CNTN5: variants seen among roughly 807,000 people sequenced by gnomAD.
The protein encoded by CNTN5 is contactin-5.
In CNTN5, 77 loss-of-function variants were observed where a neutral mutation model predicts 129.1. That is an observed-to-expected ratio of 0.60 (90% CI 0.50 to 0.72). The LOEUF (loss-of-function observed/expected upper bound fraction) is 0.72. CNTN5 is among the 30% of genes least tolerant of loss of function. The pLI, the probability that CNTN5 is intolerant of heterozygous loss-of-function variation, is 0.00. For synonymous variants in CNTN5, 509 were observed against 465.6 expected (o/e 1.09, Z -1.20); for missense variants, 1,478 against 1,328.8 (o/e 1.11, Z -1.75).
chr11:99,893,816 C>T (rs1299545901), intron 6 of CNTN5, among the ~76,000 whole-genome samples: 1 of 152,104 alleles, frequency 6.6e-6, no homozygotes, highest in Non-Finnish European at 1.5e-5. Context: ...TATATATTAA[C>T]ATAAGCATAT....
rs1489236445 is a variant in CNTN5 at position 99,855,262 on chromosome 11, TA to T, written c.577+10001del. Among the ~76,000 whole-genome samples the T allele has an allele frequency of 2.0e-5, 3 of 152,166 alleles. No homozygotes were observed. The East Asian group carries it at 5.8e-4, about 29-fold the overall frequency. On this transcript the variant is annotated intron_variant, in intron 6 of 24. Transcript: ENST00000524871. Reference sequence around the variant, plus strand: ...AGTACTAGGTGAGCTATGATCACTCTACTGCACTGTAGCCTGTGCAGTAGAG... The same window carrying T: ...AGTACTAGGTGAGCTATGATCACTCTCTGCACTGTAGCCTGTGCAGTAGAG...
intron 1 of CNTN5, among the ~76,000 whole-genome samples, chr11:99,187,060 A>T (rs1858390713): frequency 6.6e-6 from 1 of 151,900 alleles, no homozygotes; most frequent in Non-Finnish European, 1.5e-5. Context: ...ACTGAACAGG[A>T]AGTACCTGGA....
intron 1 of CNTN5, among the ~76,000 whole-genome samples, chr11:99,160,068 CAATTA>C (rs1177451638): frequency 6.6e-6 from 1 of 152,126 alleles, no homozygotes; most frequent in African/African-American, 2.4e-5. Flanking sequence ...AGAATTTACA[CAATTA>C]AATATAATAT....
chr11:99,811,180 G>C (rs1298967804), intron 3 of CNTN5, among the ~76,000 whole-genome samples: 1 of 151,918 alleles, frequency 6.6e-6, no homozygotes. Flanking sequence ...AAAAGATTCA[G>C]ATACAGAGTC....
chr11:100,189,269 A>T (rs931473357), intron 13 of CNTN5, among the ~76,000 whole-genome samples: 8 of 149,076 alleles, frequency 5.4e-5, no homozygotes, highest in African/African-American at 2.0e-4. Flanking sequence ...GTTGAATTAA[A>T]AAAAAAAAAA....
chr11:99,063,415 G>A (rs763927940), intron 1 of CNTN5, among the ~76,000 whole-genome samples: 2 of 151,970 alleles, frequency 1.3e-5, no homozygotes, highest in Non-Finnish European at 1.5e-5. Flanking sequence ...TGCTTACTTT[G>A]TGAGTGTTAA....
chr11:99,760,154 T>C (rs1277019566), intron 3 of CNTN5, among the ~76,000 whole-genome samples: 1 of 152,178 alleles, frequency 6.6e-6, no homozygotes, highest in African/African-American at 2.4e-5. Context: ...ACAGACAGAA[T>C]CTGTGCTAAA....
At chr11:99,404,160 C>A in intron 2 of CNTN5, among the ~76,000 whole-genome samples, 1 of 151,876 alleles carries the variant, frequency 6.6e-6, no homozygotes, top group East Asian at 1.9e-4. Flanking sequence ...TTTTGTGTTG[C>A]ATTAGTATAG....
intron 1 of CNTN5, among the ~76,000 whole-genome samples, chr11:99,279,396 G>T (rs1319465806): frequency 6.6e-6 from 1 of 151,806 alleles, no homozygotes; most frequent in East Asian, 1.9e-4. Context: ...TTGCTATGCT[G>T]CACTGAATTC....
At chr11:99,462,673 G>A (rs1267973134) in intron 2 of CNTN5, among the ~76,000 whole-genome samples, 2 of 152,154 alleles carry the variant, frequency 1.3e-5, no homozygotes, top group African/African-American at 4.8e-5. Context: ...GAATACGCCC[G>A]CTCCCTTGCT....
chr11:99,781,240 A>C (rs536462591), intron 3 of CNTN5, among the ~76,000 whole-genome samples: 15 of 152,190 alleles, frequency 9.9e-5, no homozygotes, highest in African/African-American at 3.6e-4. Flanking sequence ...TGCAGTCCCC[A>C]CACAAGGTTT....
chr11:99,298,640 A>T (rs1248881535), intron 1 of CNTN5, among the ~76,000 whole-genome samples: 1 of 152,110 alleles, frequency 6.6e-6, no homozygotes, highest in African/African-American at 2.4e-5. Context: ...TATTATCTAA[A>T]ATGTCCAGTT....
chr11:99,622,209 C>T (rs1328211275), intron 3 of CNTN5, among the ~76,000 whole-genome samples: 3 of 152,128 alleles, frequency 2.0e-5, no homozygotes, highest in Admixed American at 2.0e-4. Context: ...TTTGCAATAG[C>T]AGGTGACTGT....
chr11:99,863,617 A>G (rs1345175767), intron 6 of CNTN5, among the ~76,000 whole-genome samples: 2 of 152,148 alleles, frequency 1.3e-5, no homozygotes, highest in Non-Finnish European at 2.9e-5. Context: ...TAATTGTTGT[A>G]CTCATCTTAA....
Position 100,340,628 on chromosome 11 carries a change from A to C in CNTN5, c.2896A>C (p.Ser966Arg). The C allele has an allele frequency of 1.2e-6, 2 of 1,602,488 alleles. No homozygotes were observed. The highest frequency in any genetic ancestry group is 1.7e-6 in the Non-Finnish European group (2 of 1,176,216). Residue 966 changes from serine to arginine, a missense_variant, in exon 22 of 25, where the codon AGT becomes CGT. Ser to Arg is a moderately radical substitution (Grantham distance 110, BLOSUM62 -1). Coordinates refer to ENST00000524871, the MANE Select transcript of CNTN5 (RefSeq NM_014361.4). ...ATATGGGCCACCTAGCAGTGAAGTGAGTGCAACCACCAAGAAATCCCGTAA... is the reference window on the plus strand; with the variant it reads ...ATATGGGCCACCTAGCAGTGAAGTGCGTGCAACCACCAAGAAATCCCGTAA... ...AGYGPPSSEV[S>R]ATTKKSPPSQ... is the part of the protein sequence containing the mutation.
intron 3 of CNTN5, among the ~76,000 whole-genome samples, chr11:99,710,976 A>T (rs377104190): frequency 5.4e-4 from 82 of 152,042 alleles, no homozygotes; most frequent in African/African-American, 1.9e-3. Context: ...GCAAAGGAAA[A>T]TTTTTTAGTA....
At chr11:99,306,112 T>C (rs1864864394) in intron 1 of CNTN5, among the ~76,000 whole-genome samples, 1 of 152,186 alleles carries the variant, frequency 6.6e-6, no homozygotes, top group Non-Finnish European at 1.5e-5. Context: ...ACCAAATTTT[T>C]CAGGAAACTA....
intron 9 of CNTN5, among the ~76,000 whole-genome samples, chr11:100,027,394 AT>A (rs2137594203): frequency 6.6e-6 from 1 of 152,204 alleles, no homozygotes; most frequent in South Asian, 2.1e-4. Flanking sequence ...TATTGGCTTA[AT>A]TTTTCCCCAC....
intron 1 of CNTN5, among the ~76,000 whole-genome samples, chr11:99,213,891 T>C (rs2135679836): frequency 6.6e-6 from 1 of 152,266 alleles, no homozygotes; most frequent in East Asian, 1.9e-4. Context: ...AATAAACAAG[T>C]ACAGTGTTTT....
Sources: allele counts gnomAD v4.1 joint callset (sites outside exome capture counted in the v4.1 genomes callset), GRCh38; gene constraint gnomAD v4.1.1; transcripts MANE v1.5; gene names NCBI Gene and HGNC (gene_info 2026-07-23, HGNC 2026-07-21).